PHLPP2: variants seen among roughly 807,000 people sequenced by gnomAD.
The protein encoded by PHLPP2 is PH domain leucine-rich repeat-containing protein phosphatase 2.
A neutral mutation model predicts 124.9 loss-of-function variants in PHLPP2; 66 were observed. That is an observed-to-expected ratio of 0.53 (90% CI 0.43 to 0.65). The LOEUF (loss-of-function observed/expected upper bound fraction) is 0.65, where lower values mean the gene tolerates loss of function less well. PHLPP2 is among the 30% of genes least tolerant of loss of function. PHLPP2 has a pLI of 0.00. For synonymous variants in PHLPP2, 681 were observed against 624.7 expected, an observed-to-expected ratio of 1.09 and a Z score of -1.34; for missense variants, 1,685 against 1,600.4, an observed-to-expected ratio of 1.05 and a Z score of -0.90.
At chr16:71,662,932 T>C (rs1167289229) in intron 13 of PHLPP2, among the ~76,000 whole-genome samples, 1 of 152,152 alleles carries the variant, frequency 6.6e-6, no homozygotes, top group Non-Finnish European at 1.5e-5. Flanking sequence ...CCACTGACAC[T>C]GTCTCAAACT....
intron 4 of PHLPP2, among the ~76,000 whole-genome samples, chr16:71,686,447 T>G (rs530801947): frequency 6.6e-6 from 1 of 152,294 alleles, no homozygotes; most frequent in South Asian, 2.1e-4. Flanking sequence ...GTGCTAGGAT[T>G]ACAGGTGTGA....
intron 9 of PHLPP2, among the ~76,000 whole-genome samples, 180 bp from the exon 10 acceptor site, chr16:71,672,502 G>A (rs536921039): frequency 4.6e-5 from 7 of 152,300 alleles, no homozygotes; most frequent in East Asian, 1.9e-4. Context: ...AATTTGTCTT[G>A]AAAAACAAAT....
At chr16:71,658,064 G>A (rs2044756721) in intron 15 of PHLPP2, among the ~76,000 whole-genome samples, 169 bp downstream of exon 15, 1 of 152,160 alleles carries the variant, frequency 6.6e-6, no homozygotes, top group Non-Finnish European at 1.5e-5. Context: ...GTTGACTACT[G>A]GATAGAACAT....
intron 16 of PHLPP2, among the ~76,000 whole-genome samples, chr16:71,655,913 C>A (rs1368549939): frequency 1.3e-5 from 2 of 152,126 alleles, no homozygotes; most frequent in Non-Finnish European, 2.9e-5. Flanking sequence ...GAGCTAATGT[C>A]CTAAGGAAAG....
At chr16:71,676,277 A>G (rs1392898224) in intron 9 of PHLPP2, among the ~76,000 whole-genome samples, 170 bp downstream of exon 9, 1 of 152,198 alleles carries the variant, frequency 6.6e-6, no homozygotes, top group African/African-American at 2.4e-5. Context: ...TTTTATGCAC[A>G]CTGCAACCAC....
At chr16:71,721,872 G>C (rs2045400657) in intron 1 of PHLPP2, among the ~76,000 whole-genome samples, 1 of 152,208 alleles carries the variant, frequency 6.6e-6, no homozygotes, top group African/African-American at 2.4e-5. Flanking sequence ...AAATTTTCCA[G>C]TATCCCAGGA....
chr16:71,649,622 G>A lies in PHLPP2; in HGVS notation c.3240C>T (p.Phe1080=), dbSNP rs1332934785. The change falls in exon 19 of 19, where the codon TTC becomes TTT. Residue 1080 remains phenylalanine, a synonymous_variant. Coordinates refer to ENST00000568954, the MANE Select transcript of PHLPP2 (RefSeq NM_015020.3). ...PSSSSGIASE[F]SSEMSTSEVS... is the part of the protein sequence containing the mutation. Reference sequence around the variant, plus strand: ...CCTCTGAGGTGGACATCTCACTGCTGAACTCAGAGGCAATCCCACTGCTAG... The same window carrying A: ...CCTCTGAGGTGGACATCTCACTGCTAAACTCAGAGGCAATCCCACTGCTAG... The A allele has an allele frequency of 2.5e-6, 4 of 1,614,172 alleles. No individual in the cohort carries two copies. Among genetic ancestry groups the A allele is most frequent in the East Asian group, 4.5e-5 (2 of 44,884 alleles).
intron 10 of PHLPP2, among the ~76,000 whole-genome samples, chr16:71,670,929 C>T (rs888957146): frequency 3.9e-5 from 6 of 152,098 alleles, no homozygotes; most frequent in Non-Finnish European, 8.8e-5. Context: ...ACAATGGCCT[C>T]TATTTTCCCA....
At chr16:71,677,908 C>A (rs188750041) in intron 8 of PHLPP2, 6 of 152,264 alleles carry the variant, frequency 3.9e-5, no homozygotes, top group Middle Eastern at 3.4e-3. Context: ...TTCAACCTCA[C>A]TGCTATGTAA....
At chr16:71,654,953 TACA>T (rs1306120368) in intron 17 of PHLPP2, 1 of 288,448 alleles carries the variant, frequency 3.5e-6, no homozygotes, top group Non-Finnish European at 6.5e-6. Flanking sequence ...CCTCAAAATG[TACA>T]ACCACATATA....
At position 71,724,667 on chromosome 16, in the gene PHLPP2, C is replaced by G. The variant is rs544827175; in HGVS notation, c.-345G>C. On this transcript the variant is annotated 5_prime_UTR_variant, in exon 1 of 19. Transcript: ENST00000568954. ...AGTCAGCCAGCCTGTTTCCAGATCTCCCCTCTGCCCTTCTTTAGATCTATA... is the reference window on the plus strand; with the variant it reads ...AGTCAGCCAGCCTGTTTCCAGATCTGCCCTCTGCCCTTCTTTAGATCTATA... 2.0e-5 allele frequency: 3 copies of G among 152,236 alleles called. No homozygotes were observed. Among genetic ancestry groups the G allele is most frequent in the Admixed American group, 2.0e-4 (3 of 15,282 alleles). The allele number at this position is 152,236 out of a possible 1,614,324, so 9.4% of individuals were successfully genotyped here.
At chr16:71,718,802 C>T (rs984346799) in intron 1 of PHLPP2, among the ~76,000 whole-genome samples, 1 of 152,198 alleles carries the variant, frequency 6.6e-6, no homozygotes, top group Non-Finnish European at 1.5e-5. Flanking sequence ...CTACATGATA[C>T]ATTCCGCCCT....
chr16:71,710,723 G>C lies in PHLPP2; in HGVS notation c.284+3789C>G, dbSNP rs562865079. Among the ~76,000 whole-genome samples, 4 of 152,302 alleles carry C rather than the reference G, an allele frequency of 2.6e-5. No individual in the cohort carries two copies. The South Asian group carries it at 8.3e-4, about 32-fold the overall frequency. On this transcript the variant is annotated intron_variant, in intron 2 of 18. Coordinates refer to ENST00000568954, the MANE Select transcript of PHLPP2 (RefSeq NM_015020.3). ...TGTACTTGAACAAGCCCCACAGGTGGACAGTTTAAGCAGCACTACAAATAT... is the reference window on the plus strand; with the variant it reads ...TGTACTTGAACAAGCCCCACAGGTGCACAGTTTAAGCAGCACTACAAATAT...
Position 71,652,806 on chromosome 16 carries a change from T to C in PHLPP2, c.2801A>G (p.Lys934Arg). The change falls in exon 18 of 19, where the codon AAA becomes AGA. Residue 934 changes from lysine to arginine, a missense_variant. Physicochemically the swap from Lys to Arg is conservative, Grantham distance 26. Coordinates refer to ENST00000568954, the MANE Select transcript of PHLPP2 (RefSeq NM_015020.3). ...PEEAQRVKDQ[K>R]AIITEDNKVN... ...GGAACACACCTCTGTGATGATGGCT[T>C]TTTGGTCCTTCACCCTTTGAGCCTC... The C allele has an allele frequency of 6.2e-7, 1 of 1,613,622 alleles. No individual in the cohort carries two copies.
In PHLPP2 at chr16:71,655,420, G is replaced by T. The variant is rs771975630; in HGVS notation, c.2405C>A (p.Ala802Glu). ...AGQRNKLCVS[A>E]LAMDSFAEGV... is the part of the protein sequence containing the mutation. Reference sequence around the variant, plus strand: ...CTCTGCAAAGCTATCCATAGCAAGTGCTGAGACACACAGCCTATAATAGAA... The same window carrying T: ...CTCTGCAAAGCTATCCATAGCAAGTTCTGAGACACACAGCCTATAATAGAA... Residue 802 changes from alanine to glutamate, a missense_variant, in exon 17 of 19, where the codon GCA (alanine) becomes GAA (glutamate). Physicochemically the swap from Ala to Glu is moderately radical, Grantham distance 107 (BLOSUM62 -1). Coordinates refer to ENST00000568954, the MANE Select transcript of PHLPP2 (RefSeq NM_015020.3). The T allele has an allele frequency of 6.8e-6, 11 of 1,612,852 alleles. No individual in the cohort carries two copies. Among genetic ancestry groups the T allele is most frequent in the Non-Finnish European group, 9.3e-6 (11 of 1,179,254 alleles).
At chr16:71,716,388 CCT>C (rs1042789407) in intron 1 of PHLPP2, among the ~76,000 whole-genome samples, 12 of 152,024 alleles carry the variant, frequency 7.9e-5, no homozygotes, top group Non-Finnish European at 1.5e-4. Context: ...CCATTCCTGC[CCT>C]GTTTCAAAAA....
At chr16:71,719,456 C>T (rs2145389592) in intron 1 of PHLPP2, among the ~76,000 whole-genome samples, 2 of 152,334 alleles carry the variant, frequency 1.3e-5, no homozygotes, top group Non-Finnish European at 2.9e-5. Flanking sequence ...ATGAGAATCG[C>T]TTGAACACAG....
intron 11 of PHLPP2, among the ~76,000 whole-genome samples, chr16:71,667,873 T>C (rs2044852766): frequency 6.6e-6 from 1 of 152,210 alleles, no homozygotes; most frequent in African/African-American, 2.4e-5. Flanking sequence ...TCATATTTAG[T>C]ATGTTAAACG....
At chr16:71,673,354 T>C (rs1367663160) in intron 9 of PHLPP2, among the ~76,000 whole-genome samples, 1 of 152,232 alleles carries the variant, frequency 6.6e-6, no homozygotes, top group African/African-American at 2.4e-5. Flanking sequence ...CTTTCCATTC[T>C]AGTCATTCTG....
Sources: allele counts gnomAD v4.1 joint callset (sites outside exome capture counted in the v4.1 genomes callset), GRCh38; gene constraint gnomAD v4.1.1; transcripts MANE v1.5; gene names NCBI Gene and HGNC (gene_info 2026-07-23, HGNC 2026-07-21).